The following ST3GAL1 variants were observed in gnomAD, a reference collection of about 807,000 sequenced individuals.
The protein encoded by ST3GAL1 is ST3 beta-galactoside alpha-2,3-sialyltransferase 1, also known as CMP-N-acetylneuraminate-beta-galactosamide-alpha-2,3-sialyltransferase 1.
ST3GAL1 carries 16 observed loss-of-function variants against 34.1 expected under a neutral mutation model. The observed-to-expected ratio is 0.47, with a 90% CI of 0.32 to 0.71. The LOEUF (loss-of-function observed/expected upper bound fraction) is 0.71, where lower values mean the gene tolerates loss of function less well. ST3GAL1 is among the 30% of genes least tolerant of loss of function. The pLI is 0.04. For missense variants in ST3GAL1, 353 were observed against 447.4 expected (o/e 0.79, Z 1.90); for synonymous variants, 191 against 184.7 (o/e 1.03, Z -0.28).
intron 3 of ST3GAL1, chr8:133,488,332 T>G (rs1391630555): frequency 6.6e-6 from 1 of 152,274 alleles, no homozygotes; most frequent in Non-Finnish European, 1.5e-5. Flanking sequence ...GAAGGTAGCA[T>G]GCAGATGTGG....
chr8:133,535,674 G>T (rs1137295), intron 2 of ST3GAL1, among the ~76,000 whole-genome samples: 2 of 151,824 alleles, frequency 1.3e-5, no homozygotes, highest in Non-Finnish European at 2.9e-5. Context: ...TTTTTGGTAG[G>T]GGGTGAATCT....
rs1235094775 is a variant in ST3GAL1 at position 133,508,382 on chromosome 8, T to A, written c.-428-9193A>T. On this transcript the variant is annotated intron_variant, in intron 2 of 9. Coordinates refer to ENST00000522652, the MANE Select transcript of ST3GAL1 (RefSeq NM_173344.3). This position sits in a 1 kb window ranked among gnomAD's most constrained non-coding sequence, Gnocchi z 4.1. The stretch of plus-strand genomic sequence containing the variant: ...CATGGTACAGTTTGTGCTCTGGGGT[T>A]GGCCGTGGGATCAGGCTGAAGGTTG... Among the ~76,000 whole-genome samples the A allele has an allele frequency of 1.3e-5, 2 of 152,202 alleles. No homozygotes were observed. Among genetic ancestry groups the A allele is most frequent in the Non-Finnish European group, 2.9e-5 (2 of 68,038 alleles).
intron 3 of ST3GAL1, among the ~76,000 whole-genome samples, chr8:133,494,278 T>G (rs1816876089): frequency 6.6e-6 from 1 of 152,182 alleles, no homozygotes; most frequent in Non-Finnish European, 1.5e-5. Flanking sequence ...TGCCCTGGAA[T>G]CTGTTCCAAG....
chr8:133,501,150 C>T (rs897157333), intron 2 of ST3GAL1, among the ~76,000 whole-genome samples: 11 of 152,118 alleles, frequency 7.2e-5, no homozygotes, highest in African/African-American at 2.2e-4. Context: ...GTAACATGAG[C>T]GAGGATAGAA....
intron 1 of ST3GAL1, among the ~76,000 whole-genome samples, chr8:133,552,702 C>T (rs1443696090): frequency 6.6e-6 from 1 of 152,132 alleles, no homozygotes; most frequent in Non-Finnish European, 1.5e-5. Context: ...TCACTTATAA[C>T]CTCTCTCTCT....
chr8:133,566,086 T>C (rs1315761301), intron 1 of ST3GAL1, among the ~76,000 whole-genome samples: 1 of 152,226 alleles, frequency 6.6e-6, no homozygotes, highest in Non-Finnish European at 1.5e-5. Flanking sequence ...GACCATCTTA[T>C]GCTGCCCCCC....
At chr8:133,522,637 CAG>C (rs1475071683) in intron 2 of ST3GAL1, among the ~76,000 whole-genome samples, 2 of 152,208 alleles carry the variant, frequency 1.3e-5, no homozygotes, top group Non-Finnish European at 2.9e-5. Context: ...TCATATCCAG[CAG>C]AGTCACCTGG....
intron 1 of ST3GAL1, among the ~76,000 whole-genome samples, chr8:133,551,080 C>CTATAA (rs770971474): frequency 1.3e-5 from 2 of 152,140 alleles, no homozygotes; most frequent in African/African-American, 2.4e-5. Context: ...TTATAGGGAT[C>CTATAA]TTTTCTGAGG....
chr8:133,557,263 G>A (rs887472719), intron 1 of ST3GAL1, among the ~76,000 whole-genome samples: 3 of 152,198 alleles, frequency 2.0e-5, no homozygotes, highest in African/African-American at 4.8e-5. Context: ...TGAGGAGACT[G>A]TGCAGTGTAA....
At chr8:133,480,522 C>T (rs975585772) in intron 3 of ST3GAL1, among the ~76,000 whole-genome samples, 3 of 152,136 alleles carry the variant, frequency 2.0e-5, no homozygotes, top group Admixed American at 6.5e-5. Context: ...AATGCCTGAG[C>T]GAACTGTGCA....
At chr8:133,512,284 C>G (rs974403449) in intron 2 of ST3GAL1, among the ~76,000 whole-genome samples, 13 of 152,282 alleles carry the variant, frequency 8.5e-5, no homozygotes, top group African/African-American at 3.1e-4. Context: ...AGCTGAAGAA[C>G]TTGGAGTCCG....
At chr8:133,521,634 C>A (rs193162847) in intron 2 of ST3GAL1, among the ~76,000 whole-genome samples, 1 of 152,288 alleles carries the variant, frequency 6.6e-6, no homozygotes, top group Admixed American at 6.5e-5. Context: ...GTAGAGAGCT[C>A]CTCCTGCATG....
intron 5 of ST3GAL1, among the ~76,000 whole-genome samples, chr8:133,475,080 T>C (rs1408083003): frequency 6.6e-6 from 1 of 152,194 alleles, no homozygotes; most frequent in Non-Finnish European, 1.5e-5. Context: ...GATCTCTGCA[T>C]GAGATCATCC....
chr8:133,533,587 C>T (rs896575314), intron 2 of ST3GAL1, among the ~76,000 whole-genome samples: 5 of 152,204 alleles, frequency 3.3e-5, no homozygotes, highest in Admixed American at 3.3e-4. Flanking sequence ...GCACTCTGTG[C>T]CCCATTGGAG....
intron 2 of ST3GAL1, among the ~76,000 whole-genome samples, chr8:133,542,913 C>T (rs919517507): frequency 5.9e-5 from 9 of 151,684 alleles, no homozygotes; most frequent in African/African-American, 1.9e-4. Flanking sequence ...AATAATAAAT[C>T]TATTCAGGCA....
intron 2 of ST3GAL1, among the ~76,000 whole-genome samples, chr8:133,543,082 G>C (rs1424214963): frequency 1.3e-5 from 2 of 152,144 alleles, no homozygotes; most frequent in East Asian, 3.9e-4. Flanking sequence ...CCTTAACTGA[G>C]AGCTCCAAGC....
intron 2 of ST3GAL1, among the ~76,000 whole-genome samples, chr8:133,522,823 A>G (rs1031580634): frequency 1.3e-5 from 2 of 152,206 alleles, no homozygotes; most frequent in South Asian, 4.1e-4. Context: ...TCCTCCCTGG[A>G]GTACAATCCT....
At chr8:133,535,102 C>A (rs906819609) in intron 2 of ST3GAL1, among the ~76,000 whole-genome samples, 2 of 152,150 alleles carry the variant, frequency 1.3e-5, no homozygotes, top group African/African-American at 4.8e-5. Flanking sequence ...CCGGAAGAGA[C>A]AACGCTAAAG....
intron 5 of ST3GAL1, among the ~76,000 whole-genome samples, chr8:133,475,128 C>T (rs1816119850): frequency 6.6e-6 from 1 of 152,172 alleles, no homozygotes; most frequent in African/African-American, 2.4e-5. Flanking sequence ...GACAGGTGTC[C>T]TCATAAGAAA....
Sources: gnomAD v4.1 joint callset for allele counts (sites outside exome capture counted in the v4.1 genomes callset) on GRCh38, gnomAD v4.1.1 for gene constraint, Gnocchi (gnomAD v3.1) non-coding constraint, MANE v1.5 for transcripts, NCBI Gene and HGNC (gene_info 2026-07-23, HGNC 2026-07-21) for gene names.